The following SPATA16 variants were observed in gnomAD, a reference collection of about 807,000 sequenced individuals.
SPATA16 encodes spermatogenesis-associated protein 16.
Under a neutral mutation model 63.3 loss-of-function variants are expected in SPATA16, and 36 were observed. The observed-to-expected ratio is 0.57, with a 90% CI of 0.44 to 0.75. The LOEUF is 0.75. Among genes scored for constraint, SPATA16 ranks in the 30% least tolerant of loss-of-function variants. SPATA16 has a pLI of 0.00. For missense variants in SPATA16, 646 were observed against 679.3 expected (o/e 0.95, Z 0.54); for synonymous variants, 203 against 216.7 (o/e 0.94, Z 0.56).
intron 6 of SPATA16, among the ~76,000 whole-genome samples, chr3:172,944,799 G>A (rs940356082): frequency 1.3e-5 from 2 of 152,148 alleles, no homozygotes. Flanking sequence ...ACAGAAAATA[G>A]AATAGTGTTT....
At chr3:172,921,665 G>A (rs559129955) in intron 8 of SPATA16, among the ~76,000 whole-genome samples, 2 of 152,286 alleles carry the variant, frequency 1.3e-5, no homozygotes, top group South Asian at 4.1e-4. Flanking sequence ...AAGAAGGTCT[G>A]TAAAACAGTC....
chr3:173,061,732 A>T (rs1032481670), intron 2 of SPATA16, among the ~76,000 whole-genome samples: 1 of 152,214 alleles, frequency 6.6e-6, no homozygotes, highest in East Asian at 1.9e-4. Flanking sequence ...TTGTTACTTG[A>T]AAGAGGAATG....
intron 5 of SPATA16, among the ~76,000 whole-genome samples, chr3:172,971,275 G>A (rs1457084170): frequency 6.6e-6 from 1 of 152,164 alleles, no homozygotes; most frequent in African/African-American, 2.4e-5. Context: ...TGGAACACAT[G>A]CGCACATACC....
intron 10 of SPATA16, among the ~76,000 whole-genome samples, chr3:172,891,050 A>G (rs1731885861): frequency 6.7e-6 from 1 of 149,526 alleles, no homozygotes; most frequent in Admixed American, 6.6e-5. Flanking sequence ...AAGACATTAA[A>G]AAATTAACAT....
intron 4 of SPATA16, among the ~76,000 whole-genome samples, chr3:172,983,424 C>T (rs1734367639): frequency 6.6e-6 from 1 of 151,246 alleles, no homozygotes; most frequent in Non-Finnish European, 1.5e-5. Flanking sequence ...AATGAACTCT[C>T]TCAAGAGTCT....
intron 2 of SPATA16, among the ~76,000 whole-genome samples, chr3:173,083,653 C>G (rs1009421987): frequency 1.3e-5 from 2 of 152,200 alleles, no homozygotes; most frequent in African/African-American, 4.8e-5. Context: ...CTTCTCTCCC[C>G]GAAAGGCCCC....
intron 6 of SPATA16, among the ~76,000 whole-genome samples, chr3:172,931,347 C>A (rs1732868183): frequency 6.6e-6 from 1 of 151,958 alleles, no homozygotes; most frequent in Non-Finnish European, 1.5e-5. Context: ...CTCAGGCAAT[C>A]CTCCTGCCTC....
intron 1 of SPATA16, among the ~76,000 whole-genome samples, chr3:173,130,061 A>G (rs897939355): frequency 6.6e-6 from 1 of 152,176 alleles, no homozygotes; most frequent in African/African-American, 2.4e-5. Flanking sequence ...GGTAAAGATG[A>G]ACATACAAAT....
intron 5 of SPATA16, among the ~76,000 whole-genome samples, chr3:172,972,194 T>A (rs1396234035): frequency 6.6e-6 from 1 of 152,170 alleles, no homozygotes; most frequent in Non-Finnish European, 1.5e-5. Context: ...GAAGTCTTGG[T>A]GTTCTCTGCA....
intron 5 of SPATA16, among the ~76,000 whole-genome samples, chr3:172,974,759 G>C (rs1395104246): frequency 1.3e-5 from 2 of 152,056 alleles, no homozygotes; most frequent in African/African-American, 2.4e-5. Context: ...TAAGATTTTA[G>C]TGCTAAAATG....
intron 2 of SPATA16, among the ~76,000 whole-genome samples, chr3:173,110,022 T>C (rs954093172): frequency 7.9e-6 from 1 of 127,188 alleles, no homozygotes; most frequent in East Asian, 2.2e-4. Flanking sequence ...TATGTAATAA[T>C]ACTTTTATCT....
Position 172,917,104 on chromosome 3 carries a change from T to C in SPATA16, c.1339-623A>G, listed in dbSNP as rs1732510902. 2.0e-5 allele frequency among the ~76,000 whole-genome samples: 3 copies of C among 152,204 alleles called. No individual in the cohort carries two copies. In the South Asian group the frequency reaches 6.2e-4, roughly 32 times the overall value. ...TGTTCCATCTGGACACAGACTACTG[T>C]GTGCCTTTGTAAGGACTGCCAACTC... On this transcript the variant is annotated intron_variant, in intron 8 of 10. Transcript: ENST00000351008.
At chr3:172,913,634 T>A (rs770803458) in intron 10 of SPATA16, 27 bp downstream of exon 10, 2 of 1,601,414 alleles carry the variant, frequency 1.2e-6, no homozygotes, top group Non-Finnish European at 1.7e-6. Flanking sequence ...GAATAATAGA[T>A]CTTTTTCCTT....
chr3:173,107,779 G>A (rs1186424908), intron 2 of SPATA16, among the ~76,000 whole-genome samples: 2 of 152,080 alleles, frequency 1.3e-5, no homozygotes, highest in Non-Finnish European at 2.9e-5. Context: ...CCGTAACAGA[G>A]GAAAGAGACG....
At chr3:173,081,494 T>C (rs1421635714) in intron 2 of SPATA16, among the ~76,000 whole-genome samples, 1 of 152,104 alleles carries the variant, frequency 6.6e-6, no homozygotes, top group African/African-American at 2.4e-5. Context: ...AAAATCATAA[T>C]GAACAAAACT....
intron 2 of SPATA16, among the ~76,000 whole-genome samples, chr3:173,064,220 A>G (rs1294462204): frequency 6.7e-6 from 1 of 150,334 alleles, no homozygotes; most frequent in Non-Finnish European, 1.5e-5. Context: ...AGGCAGGAGA[A>G]TTGCTTGAAC....
chr3:173,035,769 C>T (rs1735703229), intron 3 of SPATA16, among the ~76,000 whole-genome samples: 1 of 151,904 alleles, frequency 6.6e-6, no homozygotes, highest in Admixed American at 6.6e-5. Flanking sequence ...TTTCAGGGGG[C>T]TCATGAGGTA....
chr3:173,083,533 A>G (rs1038470428), intron 2 of SPATA16, among the ~76,000 whole-genome samples: 9 of 152,182 alleles, frequency 5.9e-5, no homozygotes, highest in African/African-American at 2.2e-4. Context: ...CAGGATATGT[A>G]GGTTTGTCAC....
At chr3:173,093,040 AACACACACACACAC>A (rs57114377) in intron 2 of SPATA16, among the ~76,000 whole-genome samples, 13 of 142,552 alleles carry the variant, frequency 9.1e-5, no homozygotes, top group Admixed American at 2.1e-4. Flanking sequence ...ATGCACCTAA[AACACACACACACAC>A]ACACACACAC....
Sources: allele counts gnomAD v4.1 joint callset (sites outside exome capture counted in the v4.1 genomes callset), GRCh38; gene constraint gnomAD v4.1.1; transcripts MANE v1.5; gene names NCBI Gene and HGNC (gene_info 2026-07-23, HGNC 2026-07-21).